Variants in EPYC observed in about 807,000 individuals in gnomAD.
EPYC encodes the protein epiphycan, also known as dermatan sulfate proteoglycan 3.
In EPYC, 28 loss-of-function variants were observed where a neutral mutation model predicts 30.1. The ratio of observed to expected loss-of-function variants is 0.93; its 90% confidence interval spans 0.69 to 1.28. The LOEUF is 1.28. Among genes scored for constraint, EPYC ranks in the 50% most tolerant of loss-of-function variants. The probability of loss-of-function intolerance (pLI) is 0.00; values close to 1 mark genes in which losing one functional copy is unlikely to be tolerated. For synonymous variants in EPYC, 144 were observed against 141.4 expected (o/e 1.02, Z -0.13); for missense variants, 382 against 383.5 (o/e 1.00, Z 0.03).
chr12:91,001,397 G>A (rs1877819326), intron 2 of EPYC, among the ~76,000 whole-genome samples: 1 of 152,034 alleles, frequency 6.6e-6, no homozygotes, highest in Admixed American at 6.6e-5. Flanking sequence ...ATCCTTTAAA[G>A]GTGATGTAAT....
chr12:90,981,864 G>GT (rs1877332605), intron 2 of EPYC, among the ~76,000 whole-genome samples: 1 of 151,846 alleles, frequency 6.6e-6, no homozygotes, highest in South Asian at 2.1e-4. Context: ...TTTAATTTTA[G>GT]TTAATCTACA....
At chr12:90,988,030 T>C (rs1043651860) in intron 2 of EPYC, among the ~76,000 whole-genome samples, 17 of 152,144 alleles carry the variant, frequency 1.1e-4, no homozygotes, top group African/African-American at 4.1e-4. Context: ...GTCCAGGAAA[T>C]CCTTGAAGAA....
At chr12:90,978,744 C>T (rs992385129) in intron 2 of EPYC, among the ~76,000 whole-genome samples, 3 of 151,968 alleles carry the variant, frequency 2.0e-5, no homozygotes, top group African/African-American at 7.2e-5. Context: ...CCTTTCAATC[C>T]TTGATTTCCT....
At chr12:90,966,965 T>C (rs1305703587) in intron 6 of EPYC, among the ~76,000 whole-genome samples, 1 of 152,164 alleles carries the variant, frequency 6.6e-6, no homozygotes, top group East Asian at 1.9e-4. Flanking sequence ...TTGGTAGTAA[T>C]GTCCCCTTTC....
At chr12:91,002,643 T>C in intron 1 of EPYC, 65 bp from the exon 2 acceptor site, 2 of 1,263,058 alleles carry the variant, frequency 1.6e-6, no homozygotes, top group Middle Eastern at 2.6e-4. Flanking sequence ...TTGCACTAAA[T>C]AGAAATGATA....
At position 90,964,125 on chromosome 12, in the gene EPYC, T is replaced by G; in HGVS notation, c.*31A>C. The G allele has an allele frequency of 6.3e-7, 1 of 1,582,152 alleles. No homozygotes were observed. On this transcript the variant is annotated 3_prime_UTR_variant, in exon 7 of 7. Coordinates refer to ENST00000261172, the MANE Select transcript of EPYC (RefSeq NM_004950.5). Reference sequence around the variant, plus strand: ...AGCAGTAAGAATGGTTTATTTATAGTAGCCATCGTAATGCTAACCATTATC... The same window carrying G: ...AGCAGTAAGAATGGTTTATTTATAGGAGCCATCGTAATGCTAACCATTATC...
At position 91,002,468 on chromosome 12, in the gene EPYC, T is replaced by C. The variant is rs752253035; in HGVS notation, c.98A>G (p.Tyr33Cys). The C allele has an allele frequency of 6.2e-7, 1 of 1,613,372 alleles. No homozygotes were observed. ...ATCCAGGTCTTCTAAGGTGGCATCA[T>C]AGGTTTCTGAGTCATAGTTGATGGA... The part of the protein sequence containing the change: ...LESINYDSET[Y>C]DATLEDLDNL... Residue 33 changes from tyrosine (Y) to cysteine (C), a missense_variant, in exon 2 of 7, where the codon TAT (tyrosine) becomes TGT (cysteine). Transcript: ENST00000261172.
At chr12:90,984,071 C>T (rs1877388772) in intron 2 of EPYC, among the ~76,000 whole-genome samples, 1 of 152,146 alleles carries the variant, frequency 6.6e-6, no homozygotes, top group Non-Finnish European at 1.5e-5. Flanking sequence ...TCCCATCCCT[C>T]CCTCAGGGTA....
chr12:90,978,554 AAAG>A (rs1211214919), intron 2 of EPYC, among the ~76,000 whole-genome samples: 3 of 152,080 alleles, frequency 2.0e-5, no homozygotes, highest in Non-Finnish European at 4.4e-5. Flanking sequence ...GGTTTAAAAA[AAAG>A]CTCATTTATT....
chr12:90,972,230 G>A (rs1001209316), intron 4 of EPYC, among the ~76,000 whole-genome samples: 3 of 152,108 alleles, frequency 2.0e-5, no homozygotes, highest in African/African-American at 7.2e-5. Flanking sequence ...AAAATAACTG[G>A]TCTTCTCTCC....
chr12:90,989,885 C>A (rs960361920), intron 2 of EPYC, among the ~76,000 whole-genome samples: 1 of 152,056 alleles, frequency 6.6e-6, no homozygotes, highest in East Asian at 1.9e-4. Flanking sequence ...TCATCTAGTT[C>A]TAATTAAATG....
At chr12:90,967,955 G>GC (rs1003338800) in intron 6 of EPYC, among the ~76,000 whole-genome samples, 4 of 151,928 alleles carry the variant, frequency 2.6e-5, no homozygotes, top group African/African-American at 7.3e-5. Flanking sequence ...GGGTGACAGA[G>GC]CAAGACCCTT....
intron 2 of EPYC, among the ~76,000 whole-genome samples, chr12:90,997,834 T>C (rs1565876482): frequency 2.0e-5 from 3 of 152,078 alleles, no homozygotes; most frequent in Admixed American, 6.6e-5. Context: ...TATCTACCCA[T>C]AGAAAAAGGC....
chr12:90,983,352 C>T (rs941938412), intron 2 of EPYC, among the ~76,000 whole-genome samples: 4 of 152,102 alleles, frequency 2.6e-5, no homozygotes, highest in African/African-American at 7.2e-5. Flanking sequence ...CTATTCTGTC[C>T]TATTTTTCCT....
At chr12:90,984,252 T>A (rs527528590) in intron 2 of EPYC, among the ~76,000 whole-genome samples, 1 of 152,238 alleles carries the variant, frequency 6.6e-6, no homozygotes, top group South Asian at 2.1e-4. Context: ...AAAACTGGTG[T>A]TTCTGCTGCT....
chr12:90,974,070 A>C (rs901288621), intron 3 of EPYC, among the ~76,000 whole-genome samples: 1 of 147,180 alleles, frequency 6.8e-6, no homozygotes, highest in Non-Finnish European at 1.5e-5. Context: ...ACACACACAC[A>C]CACCCCTACC....
In EPYC at chr12:90,972,923, T is replaced by G; in HGVS notation, c.398A>C (p.His133Pro). The G allele has an allele frequency of 1.2e-6, 2 of 1,612,928 alleles. No individual in the cohort carries two copies. Among genetic ancestry groups the G allele is most frequent in the Non-Finnish European group, 1.7e-6 (2 of 1,178,956 alleles). Residue 133 changes from histidine (H) to proline (P), a missense_variant, in exon 4 of 7, where the codon CAT becomes CCT. Coordinates refer to ENST00000261172, the MANE Select transcript of EPYC (RefSeq NM_004950.5). ...CAGCGGAGGAATAGCATCAAGTTCATGGTCATCACAGTACACGGTGGTACT... is the reference window on the plus strand; with the variant it reads ...CAGCGGAGGAATAGCATCAAGTTCAGGGTCATCACAGTACACGGTGGTACT... ...CISTTVYCDD[H>P]ELDAIPPLPK...
At chr12:91,002,333 G>C in intron 2 of EPYC, 68 bp downstream of exon 2, 5 of 1,408,994 alleles carry the variant, frequency 3.5e-6, no homozygotes, top group Non-Finnish European at 2.9e-6. Context: ...ATCTATTTGA[G>C]GAAAACAGAC....
chr12:90,999,926 CT>C (rs981174801), intron 2 of EPYC, among the ~76,000 whole-genome samples: 3 of 151,814 alleles, frequency 2.0e-5, no homozygotes, highest in African/African-American at 4.8e-5. Flanking sequence ...TTTTGTATTT[CT>C]TTTTTTCTTA....
Sources: allele counts gnomAD v4.1 joint callset (sites outside exome capture counted in the v4.1 genomes callset), GRCh38; gene constraint gnomAD v4.1.1; transcripts MANE v1.5; gene names NCBI Gene and HGNC (gene_info 2026-07-23, HGNC 2026-07-21).